Variants in SLA observed in about 807,000 individuals in gnomAD.
SLA encodes the protein Src like adaptor, also known as src-like-adapter.
A neutral mutation model predicts 30.3 loss-of-function variants in SLA; 16 were observed. The observed-to-expected ratio is 0.53, with a 90% CI of 0.36 to 0.80. The LOEUF (loss-of-function observed/expected upper bound fraction) is 0.80, where lower values mean the gene tolerates loss of function less well. Among genes scored for constraint, SLA ranks in the 30% least tolerant of loss-of-function variants. SLA has a pLI of 0.01. For synonymous variants in SLA, 143 were observed against 137.8 expected (o/e 1.04, Z -0.26); for missense variants, 310 against 345.2 (o/e 0.90, Z 0.81).
Position 133,062,843 on chromosome 8 carries a change from G to A in SLA, c.-40-2643C>T, listed in dbSNP as rs146416010. Among the ~76,000 whole-genome samples the A allele has an allele frequency of 5.0e-3, 764 of 152,310 alleles. 5 individuals carry two copies. The highest frequency in any genetic ancestry group is 0.018 in the African/African-American group (732 of 41,564). ...AGGAAGCACACATGTGACACGCACAGGGTGTCTTACACAGGTCTCAGGAAG... is the reference window on the plus strand; with the variant it reads ...AGGAAGCACACATGTGACACGCACAAGGTGTCTTACACAGGTCTCAGGAAG... On this transcript the variant is annotated intron_variant, in intron 2 of 8. Coordinates refer to ENST00000338087, the MANE Select transcript of SLA (RefSeq NM_001045556.3).
chr8:133,091,278 C>T (rs1847473371), intron 1 of SLA, among the ~76,000 whole-genome samples: 1 of 152,228 alleles, frequency 6.6e-6, no homozygotes, highest in Non-Finnish European at 1.5e-5. Flanking sequence ...GCTTACTGGG[C>T]TTCCCATCCT....
intron 2 of SLA, among the ~76,000 whole-genome samples, chr8:133,066,450 C>A (rs1358800048): frequency 2.0e-5 from 3 of 151,994 alleles, no homozygotes; most frequent in African/African-American, 4.8e-5. Context: ...AATGCATACA[C>A]GTGGAAAAAT....
intron 2 of SLA, among the ~76,000 whole-genome samples, chr8:133,062,871 T>C (rs1842577335): frequency 1.3e-5 from 2 of 152,076 alleles, no homozygotes; most frequent in African/African-American, 2.4e-5. Context: ...TCAGGAAGCA[T>C]GTGTGTGACA....
intron 1 of SLA, chr8:133,076,759 T>TTAAAAA (rs749499959): frequency 1.6e-5 from 2 of 128,464 alleles, no homozygotes; most frequent in Non-Finnish European, 3.2e-5. Context: ...GATTTAGCTG[T>TTAAAAA]AAAAAAAAAA....
At chr8:133,076,696 C>T (rs537784875) in intron 1 of SLA, 1 of 150,666 alleles carries the variant, frequency 6.6e-6, no homozygotes, top group African/African-American at 2.5e-5. Context: ...GAATTTATTC[C>T]CTGTCATTTC....
chr8:133,075,563 G>A (rs1040316901), intron 1 of SLA, among the ~76,000 whole-genome samples: 2 of 152,202 alleles, frequency 1.3e-5, no homozygotes, highest in African/African-American at 4.8e-5. Flanking sequence ...TAATAGTGTG[G>A]TTATGCGGGA....
At chr8:133,053,837 A>G (rs1162093028) in intron 3 of SLA, among the ~76,000 whole-genome samples, 4 of 152,238 alleles carry the variant, frequency 2.6e-5, no homozygotes, top group African/African-American at 9.6e-5. Context: ...AATTTCCGTA[A>G]TAGTGATGTT....
chr8:133,095,809 G>A (rs1049422315), intron 1 of SLA, among the ~76,000 whole-genome samples: 2 of 152,200 alleles, frequency 1.3e-5, no homozygotes, highest in Non-Finnish European at 2.9e-5. Context: ...ATTGGAGCAG[G>A]TCTTATTCTC....
chr8:133,067,116 G>T (rs1392065535), intron 2 of SLA, among the ~76,000 whole-genome samples: 1 of 152,170 alleles, frequency 6.6e-6, no homozygotes, highest in Non-Finnish European at 1.5e-5. Context: ...CAGGGGCTTA[G>T]CATCCGGTGG....
intron 1 of SLA, among the ~76,000 whole-genome samples, chr8:133,083,768 G>A (rs757817330): frequency 4.6e-5 from 7 of 152,060 alleles, no homozygotes; most frequent in Non-Finnish European, 1.0e-4. Context: ...TGTGATGTGG[G>A]TTCCAGAATC....
At chr8:133,095,231 G>A (rs1190933290) in intron 1 of SLA, 1 of 1,614,056 alleles carries the variant, frequency 6.2e-7, no homozygotes, top group African/African-American at 1.3e-5. Context: ...GTGCAAGTTG[G>A]GAAGGGACAT....
intron 3 of SLA, among the ~76,000 whole-genome samples, chr8:133,057,567 C>G (rs1355272205): frequency 6.6e-6 from 1 of 152,120 alleles, no homozygotes; most frequent in Non-Finnish European, 1.5e-5. Flanking sequence ...GGGACTTGTT[C>G]CAGATCTCTG....
At chr8:133,060,221 G>A (rs772871302) in intron 2 of SLA, 21 bp from the exon 3 acceptor site, 60 of 1,612,982 alleles carry the variant, frequency 3.7e-5, no homozygotes, top group Middle Eastern at 1.6e-4. Flanking sequence ...GGAGACAGAC[G>A]GGGAAAGTCA....
intron 1 of SLA, chr8:133,094,744 G>A (rs1848154122): frequency 2.4e-5 from 11 of 457,514 alleles, no homozygotes; most frequent in South Asian, 1.9e-4. Flanking sequence ...AGAACCATCA[G>A]CCCTTTGCCT....
intron 1 of SLA, chr8:133,095,172 G>C (rs1848214711): frequency 1.2e-6 from 2 of 1,614,240 alleles, no homozygotes; most frequent in East Asian, 4.5e-5. Context: ...GCCTCCGCCA[G>C]AAGCCTGCCA....
rs573593314 is a variant in SLA, at chr8:133,087,593, A to G, written c.-318-12463T>C. On this transcript the variant is annotated intron_variant, in intron 1 of 8. Transcript: ENST00000338087. ...AAGGATCAGTCATATTTTAGTGTGG[A>G]ATTCATCTTTTAAATGTAATTTAAA... 3 of 152,364 alleles carry G rather than the reference A, an allele frequency of 2.0e-5. No homozygotes were observed. In the East Asian group the frequency reaches 5.8e-4, roughly 29 times the overall value. 9.4% of individuals were successfully genotyped at this position (152,364 alleles called of 1,614,324 possible).
intron 6 of SLA, chr8:133,047,142 A>C (rs1272779844): frequency 6.6e-6 from 1 of 152,244 alleles, no homozygotes; most frequent in Admixed American, 6.5e-5. Flanking sequence ...TAAATTAGTA[A>C]TTTGTAAGGC....
chr8:133,058,919 G>A, intron 3 of SLA: 1 of 443,208 alleles, frequency 2.3e-6, no homozygotes, highest in Admixed American at 2.5e-5. Flanking sequence ...TGACTTGAAA[G>A]GGGTGTGGGG....
chr8:133,058,977 C>A, intron 3 of SLA: 2 of 474,280 alleles, frequency 4.2e-6, no homozygotes, highest in Admixed American at 2.2e-5. Flanking sequence ...GGCCATCAGA[C>A]CACACAAGCT....
Sources: gnomAD v4.1 joint callset for allele counts (sites outside exome capture counted in the v4.1 genomes callset) on GRCh38, gnomAD v4.1.1 for gene constraint, MANE v1.5 for transcripts, NCBI Gene and HGNC (gene_info 2026-07-23, HGNC 2026-07-21) for gene names.